The following DBN1 variants were observed in gnomAD, a reference collection of about 807,000 sequenced individuals.
The protein encoded by DBN1 is drebrin 1, also known as drebrin.
DBN1 carries 21 observed loss-of-function variants against 83.5 expected under a neutral mutation model. That is an observed-to-expected ratio of 0.25 (90% CI 0.18 to 0.36). The LOEUF (loss-of-function observed/expected upper bound fraction) is 0.36, where lower values mean the gene tolerates loss of function less well. DBN1 is among the 10% of genes least tolerant of loss of function. The pLI, the probability that DBN1 is intolerant of heterozygous loss-of-function variation, is 1.00. For missense variants in DBN1, 874 were observed against 935.7 expected, an observed-to-expected ratio of 0.93 and a Z score of 0.86; for synonymous variants, 381 against 384.9, an observed-to-expected ratio of 0.99 and a Z score of 0.12.
intron 1 of DBN1, among the ~76,000 whole-genome samples, chr5:177,471,033 C>T (rs1479679133): frequency 6.6e-6 from 1 of 152,078 alleles, no homozygotes; most frequent in Non-Finnish European, 1.5e-5. Flanking sequence ...ACACCGCATA[C>T]CAGAAGTATG....
At chr5:177,470,516 C>T (rs911136314) in intron 1 of DBN1, among the ~76,000 whole-genome samples, 5 of 152,180 alleles carry the variant, frequency 3.3e-5, no homozygotes, top group African/African-American at 1.2e-4. Flanking sequence ...TACCCCAGTT[C>T]AAACCCTCCA....
Position 177,467,839 on chromosome 5 carries a change from G to A in DBN1, c.256-22C>T, listed in dbSNP as rs1757561149. The A allele has an allele frequency of 6.3e-7, 1 of 1,575,024 alleles. No homozygotes were observed. The highest frequency in any genetic ancestry group is 8.6e-7 in the Non-Finnish European group (1 of 1,160,766). Reference sequence around the variant, plus strand: ...CCACCTGCAAAGTACCCAGCAAAGAGGGGGTCAGGAAAGGACAAGGGGGGC... The same window carrying A: ...CCACCTGCAAAGTACCCAGCAAAGAAGGGGTCAGGAAAGGACAAGGGGGGC... On this transcript the variant is annotated intron_variant, in intron 3 of 14. Transcript: ENST00000393565. The surrounding 1 kb of genome is among the most constrained non-coding windows in gnomAD (Gnocchi z 9.1).
At position 177,466,158 on chromosome 5, in the gene DBN1, A is replaced by G. The variant is rs1028588669; in HGVS notation, c.771+614T>C. ...CATTACAGTCCCAATCCAGATGAGTATCAACCCACCTCCCTTCCTGAACTG... is the reference window on the plus strand; with the variant it reads ...CATTACAGTCCCAATCCAGATGAGTGTCAACCCACCTCCCTTCCTGAACTG... On this transcript the variant is annotated intron_variant, in intron 8 of 14. Coordinates refer to ENST00000393565, the MANE Select transcript of DBN1 (RefSeq NM_001363541.2). The surrounding 1 kb of genome is among the most constrained non-coding windows in gnomAD (Gnocchi z 4.8). Among the ~76,000 whole-genome samples, 1 of 152,176 alleles carries G rather than the reference A, an allele frequency of 6.6e-6. No homozygotes were observed. Among genetic ancestry groups the G allele is most frequent in the Non-Finnish European group, 1.5e-5 (1 of 68,030 alleles).
At position 177,466,768 on chromosome 5, in the gene DBN1, T is replaced by A; in HGVS notation, c.771+4A>T. ...GAGACCGGGAGCCTTGGCAAAGAAC[T>A]TACAAAGATAGACTGCTCCTTCAAC... On this transcript the variant is annotated splice_donor_region_variant and intron_variant, in intron 8 of 14. Transcript: ENST00000393565. This position sits in a 1 kb window ranked among gnomAD's most constrained non-coding sequence, Gnocchi z 4.8. 6.2e-7 allele frequency: 1 copy of A among 1,614,100 alleles called. No homozygotes were observed. The highest frequency in any genetic ancestry group is 8.5e-7 in the Non-Finnish European group (1 of 1,179,996).
Position 177,467,684 on chromosome 5 carries a change from C to T in DBN1, c.331-57G>A. On this transcript the variant is annotated intron_variant, in intron 4 of 14. Coordinates refer to ENST00000393565, the MANE Select transcript of DBN1 (RefSeq NM_001363541.2). This position sits in a 1 kb window ranked among gnomAD's most constrained non-coding sequence, Gnocchi z 9.1. ...CACCATCCTCCCGCCATCCCCACCCCAGCACGCAGACCCTGGTGGCTGTCC... is the reference window on the plus strand; with the variant it reads ...CACCATCCTCCCGCCATCCCCACCCTAGCACGCAGACCCTGGTGGCTGTCC... The T allele has an allele frequency of 1.9e-6, 3 of 1,555,648 alleles. No individual in the cohort carries two copies. Among genetic ancestry groups the T allele is most frequent in the Non-Finnish European group, 2.6e-6 (3 of 1,149,602 alleles).
At chr5:177,465,123 G>A (rs528338479) in intron 8 of DBN1, among the ~76,000 whole-genome samples, 39 of 152,126 alleles carry the variant, frequency 2.6e-4, no homozygotes, top group East Asian at 1.5e-3. Flanking sequence ...ACTGCACTCC[G>A]GCCTGGGCGA....
intron 8 of DBN1, among the ~76,000 whole-genome samples, chr5:177,464,966 A>G (rs1360401404): frequency 2.0e-5 from 3 of 152,096 alleles, no homozygotes; most frequent in Non-Finnish European, 2.9e-5. Context: ...CACCCTGGCT[A>G]ACATGGTGAA....
chr5:177,463,844 C>CT (rs1465374760), intron 8 of DBN1, among the ~76,000 whole-genome samples: 4 of 152,174 alleles, frequency 2.6e-5, no homozygotes, highest in Admixed American at 6.5e-5. Context: ...AAAAAATAAA[C>CT]TTTATCAGGG....
In DBN1 at chr5:177,456,637, A is replaced by G. The variant is rs1218258362; in HGVS notation, c.*796T>C. 6.9e-6 allele frequency: 1 copy of G among 144,008 alleles called. No homozygotes were observed. Among genetic ancestry groups the G allele is most frequent in the East Asian group, 2.1e-4 (1 of 4,838 alleles). 8.9% of individuals were successfully genotyped at this position (144,008 alleles called of 1,614,324 possible). On this transcript the variant is annotated 3_prime_UTR_variant, in exon 15 of 15. Transcript: ENST00000393565. ...GGGATCTGGATTTCTTTATTAACAG[A>G]CATGAGCACGACCCGTTACAGAAGT...
chr5:177,457,206 G>A lies in DBN1; in HGVS notation c.*227C>T, dbSNP rs1581711044. 5.3e-6 allele frequency: 3 copies of A among 568,008 alleles called. No homozygotes were observed. The highest frequency in any genetic ancestry group is 2.9e-5 in the East Asian group (1 of 34,196). 35.2% of individuals were successfully genotyped at this position (568,008 alleles called of 1,614,324 possible). Reference sequence around the variant, plus strand: ...AACAGCGTCTCAACTACCAACGAGAGGAAAGCCAGTCAACTGTACAAGTCT... The same window carrying A: ...AACAGCGTCTCAACTACCAACGAGAAGAAAGCCAGTCAACTGTACAAGTCT... On this transcript the variant is annotated 3_prime_UTR_variant, in exon 15 of 15. Coordinates refer to ENST00000393565, the MANE Select transcript of DBN1 (RefSeq NM_001363541.2).
rs1000216234 is a variant in DBN1, at chr5:177,472,009, G to A, written c.86+1427C>T. 1.4e-5 allele frequency: 18 copies of A among 1,277,500 alleles called. No homozygotes were observed. In the Admixed American group the frequency reaches 2.5e-4, roughly 18 times the overall value. 79.1% of individuals were successfully genotyped at this position (1,277,500 alleles called of 1,614,324 possible). A position where few individuals can be genotyped will look rare whatever the true frequency, so the allele number is the denominator to read the frequency against. On this transcript the variant is annotated intron_variant, in intron 1 of 14. Coordinates refer to ENST00000393565, the MANE Select transcript of DBN1 (RefSeq NM_001363541.2). ...GCCAGCTCCTTCACCAGGCCAAGCC[G>A]GCCACTTGCCCAGAGCTCCTCCCAT... is the stretch of plus-strand genomic sequence containing the variant.
chr5:177,459,580 C>T lies in DBN1; in HGVS notation c.1093+23G>A, dbSNP rs187001346. The T allele has an allele frequency of 9.5e-6, 14 of 1,479,830 alleles. No individual in the cohort carries two copies. In the East Asian group the frequency reaches 2.6e-4, roughly 27 times the overall value. The allele number at this position is 1,479,830 out of a possible 1,614,324, so 91.7% of individuals were successfully genotyped here. A position where few individuals can be genotyped will look rare whatever the true frequency, so the allele number is the denominator to read the frequency against. On this transcript the variant is annotated intron_variant, in intron 11 of 14. Transcript: ENST00000393565. ...GCGGGGCCCTCCTTACCACCCCCGC[C>T]GAGGCCTGGGGCTGCTACCTACATG... is the stretch of plus-strand genomic sequence containing the variant.
At chr5:177,470,928 G>C (rs921235832) in intron 1 of DBN1, among the ~76,000 whole-genome samples, 3 of 152,222 alleles carry the variant, frequency 2.0e-5, no homozygotes, top group Non-Finnish European at 4.4e-5. Context: ...CCAACTCCTG[G>C]AGACAGACAC....
intron 1 of DBN1, among the ~76,000 whole-genome samples, chr5:177,469,528 G>C (rs920791220): frequency 6.6e-6 from 1 of 152,318 alleles, no homozygotes; most frequent in Middle Eastern, 3.4e-3. Context: ...CTCTCGCCCA[G>C]ACTCTGGCCC....
chr5:177,465,684 A>G (rs891860468), intron 8 of DBN1, among the ~76,000 whole-genome samples: 4 of 151,928 alleles, frequency 2.6e-5, no homozygotes, highest in Non-Finnish European at 4.4e-5. Context: ...GGTGAAACCC[A>G]GTCTCTACAA....
At chr5:177,461,581 C>T (rs1561680753) in intron 8 of DBN1, among the ~76,000 whole-genome samples, 1 of 152,148 alleles carries the variant, frequency 6.6e-6, no homozygotes, top group Non-Finnish European at 1.5e-5. Context: ...CTTGCTCATC[C>T]CCATATCTAA....
At position 177,466,764 on chromosome 5, in the gene DBN1, G is replaced by A. The variant is rs775877302; in HGVS notation, c.771+8C>T. On this transcript the variant is annotated splice_region_variant and intron_variant, in intron 8 of 14. Coordinates refer to ENST00000393565, the MANE Select transcript of DBN1 (RefSeq NM_001363541.2). This position sits in a 1 kb window ranked among gnomAD's most constrained non-coding sequence, Gnocchi z 4.8. ...CCCAGAGACCGGGAGCCTTGGCAAAGAACTTACAAAGATAGACTGCTCCTT... is the reference window on the plus strand; with the variant it reads ...CCCAGAGACCGGGAGCCTTGGCAAAAAACTTACAAAGATAGACTGCTCCTT... The A allele has an allele frequency of 2.5e-6, 4 of 1,614,076 alleles. No homozygotes were observed. Among genetic ancestry groups the A allele is most frequent in the Non-Finnish European group, 3.4e-6 (4 of 1,179,940 alleles).
intron 1 of DBN1, chr5:177,472,046 C>T (rs1215139827): frequency 6.6e-7 from 1 of 1,514,216 alleles, no homozygotes; most frequent in Non-Finnish European, 8.9e-7. Flanking sequence ...ATCTCAGCCC[C>T]CCTGGGGCAG....
At position 177,457,493 on chromosome 5, in the gene DBN1, G is replaced by A; in HGVS notation, c.2028C>T (p.Ile676=). ...GAACTGGGTCTGCATCCCAGCATGT[G>A]ATGTCGATCTCTGTGGCGTTAGAAA... ...VFYNKPPEID[I]TCWDADPVPE... Residue 676 remains isoleucine, a synonymous_variant, in exon 15 of 15, where the codon ATC becomes ATT. Coordinates refer to ENST00000393565, the MANE Select transcript of DBN1 (RefSeq NM_001363541.2). 6.2e-7 allele frequency: 1 copy of A among 1,614,158 alleles called. No individual in the cohort carries two copies. Among genetic ancestry groups the A allele is most frequent in the South Asian group, 1.1e-5 (1 of 91,084 alleles).
Sources: allele counts gnomAD v4.1 joint callset (sites outside exome capture counted in the v4.1 genomes callset), GRCh38; gene constraint gnomAD v4.1.1; non-coding constraint Gnocchi (gnomAD v3.1); transcripts MANE v1.5; gene names NCBI Gene and HGNC (gene_info 2026-07-23, HGNC 2026-07-21).